TMTC1: variants seen among roughly 807,000 people sequenced by gnomAD.
The protein encoded by TMTC1 is transmembrane O-mannosyltransferase targeting cadherins 1, also known as protein O-mannosyl-transferase TMTC1.
Under a neutral mutation model 104.8 loss-of-function variants are expected in TMTC1, and 73 were observed. That is an observed-to-expected ratio of 0.70 (90% CI 0.58 to 0.85). The LOEUF is 0.85. Among genes scored for constraint, TMTC1 ranks in the 40% least tolerant of loss-of-function variants. The pLI is 0.00. For synonymous variants in TMTC1, 434 were observed against 428.7 expected, an observed-to-expected ratio of 1.01 and a Z score of -0.15; for missense variants, 1,035 against 1,096.1, an observed-to-expected ratio of 0.94 and a Z score of 0.79.
chr12:29,554,426 T>C (rs1335420357), intron 10 of TMTC1, among the ~76,000 whole-genome samples: 1 of 152,142 alleles, frequency 6.6e-6, no homozygotes, highest in Non-Finnish European at 1.5e-5. Context: ...GGAAAAGGAC[T>C]GTTGAATGTT....
intron 9 of TMTC1, among the ~76,000 whole-genome samples, chr12:29,561,512 A>G (rs1405165994): frequency 2.0e-5 from 3 of 152,192 alleles, no homozygotes; most frequent in Non-Finnish European, 4.4e-5. Context: ...AGTACTATGG[A>G]AAGCTATTTG....
Position 29,752,128 on chromosome 12 carries a change from A to AACACACACACAC in TMTC1, c.732-268_732-257dup, listed in dbSNP as rs146261837. Among the ~76,000 whole-genome samples, 696 of 150,302 alleles carry AACACACACACAC rather than the reference A, an allele frequency of 4.6e-3. 6 individuals carry two copies. The highest frequency in any genetic ancestry group is 0.014 in the African/African-American group (593 of 40,976). ...ACTCAGTCTTTGTTAGATGGCCACC[A>AACACACACACAC]ACACACACACACACACACACACTCA... On this transcript the variant is annotated intron_variant, in intron 4 of 17. Coordinates refer to ENST00000539277, the MANE Select transcript of TMTC1 (RefSeq NM_001193451.2).
At chr12:29,649,435 G>C (rs1364723249) in intron 5 of TMTC1, among the ~76,000 whole-genome samples, 1 of 152,226 alleles carries the variant, frequency 6.6e-6, no homozygotes, top group Non-Finnish European at 1.5e-5. Flanking sequence ...CTAAAGGAGA[G>C]AGGAGGTAAG....
At chr12:29,604,565 G>A (rs923455492) in intron 6 of TMTC1, among the ~76,000 whole-genome samples, 4 of 152,128 alleles carry the variant, frequency 2.6e-5, no homozygotes, top group Non-Finnish European at 5.9e-5. Flanking sequence ...ACCGCTACCT[G>A]TTGTTTAGGG....
intron 5 of TMTC1, among the ~76,000 whole-genome samples, chr12:29,647,565 A>C: frequency 6.6e-6 from 1 of 152,340 alleles, no homozygotes; most frequent in South Asian, 2.1e-4. Flanking sequence ...GTGTCTCTTT[A>C]AAACCATCAA....
intron 5 of TMTC1, among the ~76,000 whole-genome samples, chr12:29,667,299 C>T (rs763033517): frequency 6.6e-6 from 1 of 152,162 alleles, no homozygotes; most frequent in South Asian, 2.1e-4. Context: ...AAGGAGCTCA[C>T]TATTCTAAGA....
chr12:29,569,045 T>A (rs951843944), intron 9 of TMTC1: 2 of 452,684 alleles, frequency 4.4e-6, no homozygotes, highest in African/African-American at 4.0e-5. Flanking sequence ...ACACTTGATG[T>A]TTGTTGAGGA....
intron 1 of TMTC1, among the ~76,000 whole-genome samples, chr12:29,773,657 A>C (rs1943644027): frequency 6.6e-6 from 1 of 152,202 alleles, no homozygotes; most frequent in Non-Finnish European, 1.5e-5. Flanking sequence ...TTTTAGCAAA[A>C]TTTTAGAGGG....
intron 5 of TMTC1, among the ~76,000 whole-genome samples, chr12:29,746,100 C>A (rs1942949918): frequency 6.6e-6 from 1 of 152,084 alleles, no homozygotes; most frequent in Non-Finnish European, 1.5e-5. Context: ...GTGTTTCTAA[C>A]GTGCATCACT....
At chr12:29,629,907 G>A (rs535711011) in intron 6 of TMTC1, among the ~76,000 whole-genome samples, 1 of 151,998 alleles carries the variant, frequency 6.6e-6, no homozygotes, top group African/African-American at 2.4e-5. Flanking sequence ...TATGTTTTGT[G>A]TTTAAATTTC....
rs143325589 is a variant in TMTC1 at position 29,505,411 on chromosome 12, A to C, written c.*1435T>G. ...GTGTTCCAATTTCTTCACTTCCAAAATATACTACTGCCAAAAAACTGAAGG... is the reference window on the plus strand; with the variant it reads ...GTGTTCCAATTTCTTCACTTCCAAACTATACTACTGCCAAAAAACTGAAGG... On this transcript the variant is annotated 3_prime_UTR_variant, in exon 18 of 18. Transcript: ENST00000539277. 1 of 152,302 alleles carries C rather than the reference A, an allele frequency of 6.6e-6. No homozygotes were observed. The highest frequency in any genetic ancestry group is 6.5e-5 in the Admixed American group (1 of 15,292). The allele number at this position is 152,302 out of a possible 1,614,324, so 9.4% of individuals were successfully genotyped here. A position where few individuals can be genotyped will look rare whatever the true frequency, so the allele number is the denominator to read the frequency against.
chr12:29,508,667 G>A (rs572342681), intron 17 of TMTC1, among the ~76,000 whole-genome samples: 217 of 152,066 alleles, frequency 1.4e-3, no homozygotes, highest in African/African-American at 4.5e-3. Context: ...TCTGCCTCCC[G>A]GGTTCAAACA....
At chr12:29,661,417 TA>T in intron 5 of TMTC1, 1 of 631,746 alleles carries the variant, frequency 1.6e-6, no homozygotes, top group Non-Finnish European at 1.9e-6. Flanking sequence ...GGAGGTTAAG[TA>T]ATTTTTTTTT....
intron 10 of TMTC1, among the ~76,000 whole-genome samples, chr12:29,551,048 G>T (rs535895521): frequency 2.0e-5 from 3 of 151,586 alleles, no homozygotes; most frequent in Non-Finnish European, 4.4e-5. Context: ...ATGGGATTGG[G>T]ACTAGAAGTA....
intron 4 of TMTC1, 64 bp from the exon 5 acceptor site, chr12:29,751,936 T>C (rs1943101761): frequency 3.5e-6 from 5 of 1,438,012 alleles, no homozygotes; most frequent in Non-Finnish European, 4.6e-6. Context: ...CAACAACCGA[T>C]AGCAGTAAAC....
At chr12:29,782,542 T>C (rs1943857906) in intron 1 of TMTC1, among the ~76,000 whole-genome samples, 1 of 152,222 alleles carries the variant, frequency 6.6e-6, no homozygotes, top group South Asian at 2.1e-4. Context: ...TGAACTTCAA[T>C]GCTGAGCCAC....
intron 5 of TMTC1, among the ~76,000 whole-genome samples, chr12:29,661,553 T>C (rs61922233): frequency 1.0e-5 from 1 of 97,538 alleles, no homozygotes; most frequent in Non-Finnish European, 2.2e-5. Context: ...TCCCGAGTAG[T>C]TGGGACTACA....
At chr12:29,715,603 G>A (rs1023590830) in intron 5 of TMTC1, among the ~76,000 whole-genome samples, 3 of 152,052 alleles carry the variant, frequency 2.0e-5, no homozygotes, top group Admixed American at 6.6e-5. Context: ...TTTAGACCTC[G>A]TAACATTTAT....
intron 6 of TMTC1, among the ~76,000 whole-genome samples, chr12:29,621,828 G>A (rs1272604403): frequency 6.6e-6 from 1 of 152,100 alleles, no homozygotes; most frequent in Non-Finnish European, 1.5e-5. Context: ...TCCCTGAGAT[G>A]AGAAGGCCCT....
Sources: allele counts gnomAD v4.1 joint callset (sites outside exome capture counted in the v4.1 genomes callset), GRCh38; gene constraint gnomAD v4.1.1; transcripts MANE v1.5; gene names NCBI Gene and HGNC (gene_info 2026-07-23, HGNC 2026-07-21).